NAA60: variants seen among roughly 807,000 people sequenced by gnomAD.
The protein encoded by NAA60 is N-alpha-acetyltransferase 60, NatF catalytic subunit.
A neutral mutation model predicts 26.1 loss-of-function variants in NAA60; 8 were observed. The observed-to-expected ratio is 0.31, with a 90% CI of 0.18 to 0.55. NAA60 has a LOEUF of 0.55. Ranked by LOEUF, NAA60 falls within the 20% of genes least tolerant of loss-of-function variation. The pLI is 0.93. For missense variants in NAA60, 290 were observed against 311.3 expected, an observed-to-expected ratio of 0.93 and a Z score of 0.51; for synonymous variants, 131 against 122.5, an observed-to-expected ratio of 1.07 and a Z score of -0.46.
chr16:3,456,732 A>G (rs190094124), intron 2 of NAA60: 1 of 152,234 alleles, frequency 6.6e-6, no homozygotes, highest in Admixed American at 6.5e-5. Flanking sequence ...TTATTTTTTA[A>G]AAGGAGAAGA....
intron 2 of NAA60, among the ~76,000 whole-genome samples, chr16:3,455,392 T>TAG (rs2034945236): frequency 7.0e-6 from 1 of 143,422 alleles, no homozygotes; most frequent in African/African-American, 2.7e-5. Context: ...TTTAGTTTTT[T>TAG]TTTTTTTTTT....
chr16:3,458,136 C>A, intron 2 of NAA60: 1 of 985,212 alleles, frequency 1.0e-6, no homozygotes, highest in Non-Finnish European at 1.2e-6. Flanking sequence ...CTCCAGGATG[C>A]GCTGAGCCCT....
At chr16:3,447,210 GAT>G (rs1322776357) in intron 1 of NAA60, among the ~76,000 whole-genome samples, 1 of 152,146 alleles carries the variant, frequency 6.6e-6, no homozygotes, top group Non-Finnish European at 1.5e-5. Context: ...GAAACGGAAA[GAT>G]ACTCATTTTT....
Position 3,443,763 on chromosome 16 carries a change from C to T in NAA60, c.-151C>T. 2 of 1,533,042 alleles carry T rather than the reference C, an allele frequency of 1.3e-6. No individual in the cohort carries two copies. The highest frequency in any genetic ancestry group is 8.7e-7 in the Non-Finnish European group (1 of 1,145,462). 95.0% of individuals were successfully genotyped at this position (1,533,042 alleles called of 1,614,324 possible). A position where few individuals can be genotyped will look rare whatever the true frequency, so the allele number is the denominator to read the frequency against. ...GAGTCTTAGGGTGACCCCAGGGGGACGTAATGTTTCCGAGAAGAAGGACAG... is the reference window on the plus strand; with the variant it reads ...GAGTCTTAGGGTGACCCCAGGGGGATGTAATGTTTCCGAGAAGAAGGACAG... On this transcript the variant is annotated 5_prime_UTR_variant, in exon 1 of 8. It adds an upstream start codon to the 5' untranslated region. Coordinates refer to ENST00000407558, the MANE Select transcript of NAA60 (RefSeq NM_001083601.3).
chr16:3,466,545 T>G (rs2035774798), intron 2 of NAA60, among the ~76,000 whole-genome samples: 1 of 152,248 alleles, frequency 6.6e-6, no homozygotes, highest in Non-Finnish European at 1.5e-5. Flanking sequence ...TAACGTGCTT[T>G]TCTTTTTCTC....
intron 1 of NAA60, chr16:3,447,458 G>A (rs1232357744): frequency 8.1e-6 from 8 of 985,194 alleles, no homozygotes; most frequent in Admixed American, 6.2e-5. Flanking sequence ...TGCTCACTAC[G>A]TTTGGTGTGT....
At chr16:3,462,654 C>A (rs1001168107) in intron 2 of NAA60, 1 of 151,330 alleles carries the variant, frequency 6.6e-6, no homozygotes, top group Non-Finnish European at 1.5e-5. Flanking sequence ...ACATCCCCAA[C>A]GCCAGAAGAC....
chr16:3,482,971 C>T (rs369236491), intron 5 of NAA60: 12 of 471,118 alleles, frequency 2.5e-5, no homozygotes, highest in East Asian at 2.0e-4. Context: ...GGAAGCAACA[C>T]TCACCGTTTC....
intron 4 of NAA60, among the ~76,000 whole-genome samples, chr16:3,480,729 C>T (rs76836815): frequency 0.061 from 9,253 of 152,028 alleles, 377 homozygotes; most frequent in Admixed American, 0.082. Context: ...ATCGTGAAAC[C>T]TTGTCTCTAC....
chr16:3,448,579 C>A lies in NAA60; in HGVS notation c.-7+39C>A, dbSNP rs80317488. The A allele has an allele frequency of 2.5e-3, 3,789 of 1,490,948 alleles. 10 individuals are homozygous for A. Among genetic ancestry groups the A allele is most frequent in the Non-Finnish European group, 2.8e-3 (3,118 of 1,110,448 alleles). The allele number at this position is 1,490,948 out of a possible 1,614,324, so 92.4% of individuals were successfully genotyped here. ...CTCTGTGTCCTGCTATTAATGATGC[C>A]CTCATAGTCAGAGGAAGCCTACTTA... is the stretch of plus-strand genomic sequence containing the variant. On this transcript the variant is annotated intron_variant, in intron 2 of 7. Transcript: ENST00000407558.
At chr16:3,466,159 G>C (rs2035748069) in intron 2 of NAA60, among the ~76,000 whole-genome samples, 1 of 152,344 alleles carries the variant, frequency 6.6e-6, no homozygotes, top group Admixed American at 6.5e-5. Flanking sequence ...GCCAGCACCG[G>C]CAATTTGTTT....
intron 2 of NAA60, among the ~76,000 whole-genome samples, chr16:3,455,756 G>A (rs890152522): frequency 1.8e-4 from 27 of 152,088 alleles, no homozygotes; most frequent in African/African-American, 6.5e-4. Context: ...GTCCCAGACT[G>A]GAGTACAGTG....
At chr16:3,461,754 C>T (rs2035409011) in intron 2 of NAA60, among the ~76,000 whole-genome samples, 1 of 152,136 alleles carries the variant, frequency 6.6e-6, no homozygotes, top group Admixed American at 6.5e-5. Context: ...GTTCCCTTTG[C>T]TTCCACAGAA....
Position 3,448,745 on chromosome 16 carries a change from A to G in NAA60, c.-7+205A>G, listed in dbSNP as rs139253423. On this transcript the variant is annotated intron_variant, in intron 2 of 7. Coordinates refer to ENST00000407558, the MANE Select transcript of NAA60 (RefSeq NM_001083601.3). ...GAGTATATTCTTACGTTAGGTACAC[A>G]GGGATACAGTACAAGTATGCCAGCC... The G allele has an allele frequency of 7.3e-4, 376 of 516,954 alleles. 1 individual carries two copies. Among genetic ancestry groups the G allele is most frequent in the African/African-American group, 3.9e-3 (203 of 51,482 alleles). The allele number at this position is 516,954 out of a possible 1,614,324, so 32.0% of individuals were successfully genotyped here.
chr16:3,470,795 G>A (rs529861248), intron 2 of NAA60, among the ~76,000 whole-genome samples: 21 of 152,216 alleles, frequency 1.4e-4, no homozygotes, highest in Non-Finnish European at 2.8e-4. Flanking sequence ...CGCAGCAGTG[G>A]ACCTACAGCC....
At chr16:3,453,366 C>T (rs568176494) in intron 2 of NAA60, among the ~76,000 whole-genome samples, 1 of 152,228 alleles carries the variant, frequency 6.6e-6, no homozygotes, top group South Asian at 2.1e-4. Context: ...TGCACTCCAG[C>T]CTGGGCAACA....
chr16:3,479,255 C>G (rs182825857), intron 3 of NAA60, among the ~76,000 whole-genome samples: 1 of 152,098 alleles, frequency 6.6e-6, no homozygotes, highest in Admixed American at 6.6e-5. Context: ...GAAAAAAATT[C>G]CCATCAGAGA....
chr16:3,485,602 T>TC lies in NAA60; in HGVS notation c.*345dup. 2.2e-6 allele frequency: 1 copy of TC among 456,294 alleles called. No homozygotes were observed. The highest frequency in any genetic ancestry group is 4.4e-6 in the Non-Finnish European group (1 of 226,760). The allele number at this position is 456,294 out of a possible 1,614,324, so 28.3% of individuals were successfully genotyped here. A position where few individuals can be genotyped will look rare whatever the true frequency, so the allele number is the denominator to read the frequency against. The stretch of plus-strand genomic sequence containing the variant: ...GAGGGGCCTGCCCTCACTGGGCCTC[T>TC]CCCACTCCGCTGCCTGTTCTTGCAG... On this transcript the variant is annotated 3_prime_UTR_variant, in exon 8 of 8. Coordinates refer to ENST00000407558, the MANE Select transcript of NAA60 (RefSeq NM_001083601.3).
intron 2 of NAA60, among the ~76,000 whole-genome samples, chr16:3,469,420 C>A (rs887272425): frequency 1.4e-5 from 2 of 143,798 alleles, no homozygotes; most frequent in Non-Finnish European, 1.6e-5. Context: ...TTGCTGCTCC[C>A]CCCAGCACTG....
Sources: allele counts gnomAD v4.1 joint callset (sites outside exome capture counted in the v4.1 genomes callset), GRCh38; gene constraint gnomAD v4.1.1; transcripts MANE v1.5; gene names NCBI Gene and HGNC (gene_info 2026-07-23, HGNC 2026-07-21).